MTMR3: variants seen among roughly 807,000 people sequenced by gnomAD.
MTMR3 encodes myotubularin related protein 3.
MTMR3 carries 32 observed loss-of-function variants against 132.4 expected under a neutral mutation model. The ratio of observed to expected loss-of-function variants is 0.24; its 90% CI spans 0.18 to 0.32. MTMR3 has a LOEUF of 0.32. Ranked by LOEUF, MTMR3 falls within the 10% of genes least tolerant of loss-of-function variation. The pLI, the probability that MTMR3 is intolerant of heterozygous loss-of-function variation, is 1.00. For synonymous variants in MTMR3, 556 were observed against 550.3 expected (o/e 1.01, Z -0.14); for missense variants, 1,216 against 1,489.6 (o/e 0.82, Z 3.02).
At chr22:29,963,853 AAAAG>A (rs1410356582) in intron 2 of MTMR3, among the ~76,000 whole-genome samples, 1 of 151,860 alleles carries the variant, frequency 6.6e-6, no homozygotes. Context: ...GAAAAAAAAA[AAAAG>A]AGGAATGAAG....
At chr22:29,900,838 T>G (rs2064990661) in intron 1 of MTMR3, among the ~76,000 whole-genome samples, 1 of 152,112 alleles carries the variant, frequency 6.6e-6, no homozygotes, top group African/African-American at 2.4e-5. Flanking sequence ...CTCATCCCCC[T>G]AAGTAGCTGG....
At position 30,018,039 on chromosome 22, in the gene MTMR3, C is replaced by G; in HGVS notation, c.1787C>G (p.Pro596Arg). Residue 596 changes from proline (P) to arginine (R), a missense_variant, in exon 16 of 20, where the codon CCA becomes CGA. Transcript: ENST00000401950. ...GACAGCTGTGCACCATACCCAGCCC[C>G]AGGCACCAGCCCTGATGATCCCCCC... ...VDDSCAPYPA[P>R]GTSPDDPPLS... 3 of 1,612,648 alleles carry G rather than the reference C, an allele frequency of 1.9e-6. No individual in the cohort carries two copies. Among genetic ancestry groups the G allele is most frequent in the Non-Finnish European group, 2.5e-6 (3 of 1,179,582 alleles).
At chr22:30,024,387 T>C (rs2067852145) in intron 19 of MTMR3, 1 of 152,198 alleles carries the variant, frequency 6.6e-6, no homozygotes, top group African/African-American at 2.4e-5. Flanking sequence ...GAAGTGTAGA[T>C]GTTCAGAAAT....
intron 5 of MTMR3, 65 bp from the exon 6 acceptor site, chr22:29,988,415 A>G (rs1445344684): frequency 7.7e-6 from 9 of 1,165,294 alleles, no homozygotes; most frequent in Non-Finnish European, 1.0e-5. Context: ...CTTGTTGGAC[A>G]CATTGAAGAA....
Position 30,009,022 on chromosome 22 carries a change from T to C in MTMR3, c.1014T>C (p.Tyr338=), listed in dbSNP as rs2067343058. Residue 338 remains tyrosine, a synonymous_variant, in exon 12 of 20, where the codon TAT becomes TAC. Transcript: ENST00000401950. ...CTTTATTGTTACTCTCTCCAGAGTA[T>C]TACCCAAACTGTGAAGTTGTGTTTA... The part of the protein sequence containing the change: ...AKGGGCECPE[Y]YPNCEVVFMG... The C allele has an allele frequency of 6.2e-7, 1 of 1,600,732 alleles. No homozygotes were observed. Among genetic ancestry groups the C allele is most frequent in the South Asian group, 1.1e-5 (1 of 90,758 alleles).
At chr22:29,901,611 C>T (rs1006919726) in intron 1 of MTMR3, among the ~76,000 whole-genome samples, 1 of 152,180 alleles carries the variant, frequency 6.6e-6, no homozygotes, top group African/African-American at 2.4e-5. Flanking sequence ...ATTTCCTCAC[C>T]TCTAGTCTCT....
chr22:29,942,877 A>G (rs1359784030), intron 1 of MTMR3, among the ~76,000 whole-genome samples: 1 of 152,216 alleles, frequency 6.6e-6, no homozygotes, highest in Non-Finnish European at 1.5e-5. Flanking sequence ...TGTGCAATTA[A>G]TGCAATCATC....
At chr22:30,004,649 T>C (rs1190172826) in intron 9 of MTMR3, 1 of 152,224 alleles carries the variant, frequency 6.6e-6, no homozygotes, top group East Asian at 1.9e-4. Context: ...GGTGTAGTCA[T>C]CCATGCAAAA....
At chr22:30,013,600 G>A in intron 14 of MTMR3, 59 bp downstream of exon 14, 1 of 1,513,296 alleles carries the variant, frequency 6.6e-7, no homozygotes. Context: ...ACAAATGTTA[G>A]TGGGCCAGTT....
intron 1 of MTMR3, among the ~76,000 whole-genome samples, chr22:29,926,912 A>T (rs562905040): frequency 6.6e-6 from 1 of 152,262 alleles, no homozygotes; most frequent in East Asian, 1.9e-4. Flanking sequence ...CCATTGCCTA[A>T]TCTAAGGTTA....
At chr22:29,991,813 CT>C in intron 7 of MTMR3, 143 bp downstream of exon 7, 1 of 795,818 alleles carries the variant, frequency 1.3e-6, no homozygotes, top group Non-Finnish European at 1.8e-6. Flanking sequence ...GCGCAGCATT[CT>C]TTTAAGCTTA....
chr22:29,944,134 T>A (rs1211392014), intron 1 of MTMR3, among the ~76,000 whole-genome samples: 1 of 152,008 alleles, frequency 6.6e-6, no homozygotes, highest in East Asian at 1.9e-4. Flanking sequence ...GTGGACAACT[T>A]AAGGCAAGAG....
chr22:29,928,696 A>G (rs2065577342), intron 1 of MTMR3, among the ~76,000 whole-genome samples: 1 of 152,018 alleles, frequency 6.6e-6, no homozygotes, highest in African/African-American at 2.4e-5. Flanking sequence ...TTTTTTTAAA[A>G]TAGAGACGAA....
chr22:29,925,558 TAA>T (rs528978801), intron 1 of MTMR3, among the ~76,000 whole-genome samples: 2,270 of 143,026 alleles, frequency 0.016, 71 homozygotes, highest in African/African-American at 0.055. Context: ...TTGTTTTCTT[TAA>T]AAAAAAAAAA....
chr22:29,978,916 G>C lies in MTMR3; in HGVS notation c.94-20G>C. On this transcript the variant is annotated intron_variant, in intron 4 of 19. Transcript: ENST00000401950. ...TTTTTAACTGCTTCAGAACTCTGAAGGGTTTCTTTCATTTCGAAGGTTCCT... is the reference window on the plus strand; with the variant it reads ...TTTTTAACTGCTTCAGAACTCTGAACGGTTTCTTTCATTTCGAAGGTTCCT... The C allele has an allele frequency of 6.4e-7, 1 of 1,552,052 alleles. No homozygotes were observed.
chr22:29,986,821 T>C (rs2066868575), intron 5 of MTMR3: 2 of 134,764 alleles, frequency 1.5e-5, no homozygotes, highest in Admixed American at 1.5e-4. Context: ...GCACCAAAAT[T>C]ACAGGCATGC....
Position 29,959,439 on chromosome 22 carries a change from C to T in MTMR3, c.-85+2351C>T, listed in dbSNP as rs192022496. ...TGTCACCCAGGCTGGAGTGTGGTGG[C>T]GCGACCTCAGCTCACTGCAGCCTCC... is the stretch of plus-strand genomic sequence containing the variant. On this transcript the variant is annotated intron_variant, in intron 2 of 19. Transcript: ENST00000401950. 5.3e-5 allele frequency among the ~76,000 whole-genome samples: 8 copies of T among 152,130 alleles called. No individual in the cohort carries two copies. In the East Asian group the frequency reaches 9.7e-4, roughly 18 times the overall value.
At chr22:29,949,147 C>CA (rs1569019854) in intron 1 of MTMR3, among the ~76,000 whole-genome samples, 1 of 20,514 alleles carries the variant, frequency 4.9e-5, no homozygotes. Flanking sequence ...ACACACACCC[C>CA]CCCCCCCCCC....
intron 1 of MTMR3, among the ~76,000 whole-genome samples, chr22:29,893,450 A>G (rs1246193565): frequency 6.6e-6 from 1 of 152,194 alleles, no homozygotes; most frequent in Non-Finnish European, 1.5e-5. Context: ...TGCGTACATA[A>G]TGGTTCCCAA....
Sources: gnomAD v4.1 joint callset for allele counts (sites outside exome capture counted in the v4.1 genomes callset) on GRCh38, gnomAD v4.1.1 for gene constraint, MANE v1.5 for transcripts, NCBI Gene and HGNC (gene_info 2026-07-23, HGNC 2026-07-21) for gene names.